ABCC8: variants seen among roughly 807,000 people sequenced by gnomAD.
The protein encoded by ABCC8 is ATP binding cassette subfamily C member 8.
In ABCC8, 137 loss-of-function variants were observed where a neutral mutation model predicts 188.0. That is an observed-to-expected ratio of 0.73 (90% CI 0.63 to 0.84). The LOEUF (loss-of-function observed/expected upper bound fraction) is 0.84, where lower values mean the gene tolerates loss of function less well. Among genes scored for constraint, ABCC8 ranks in the 40% least tolerant of loss-of-function variants. The pLI is 0.00. For synonymous variants in ABCC8, 797 were observed against 846.5 expected (o/e 0.94, Z 1.01); for missense variants, 1,750 against 2,072.7 (o/e 0.84, Z 3.02).
intron 8 of ABCC8, among the ~76,000 whole-genome samples, chr11:17,447,083 T>C (rs1956564009): frequency 6.6e-6 from 1 of 152,190 alleles, no homozygotes; most frequent in Admixed American, 6.5e-5. Context: ...ATTTCATAGA[T>C]AAAGAAACCA....
chr11:17,397,016 T>C lies in ABCC8; in HGVS notation c.4019A>G (p.Asp1340Gly). Residue 1340 changes from aspartate to glycine, a missense_variant, in exon 33 of 39, where the codon GAC becomes GGC. Transcript: ENST00000389817. ...APSLIPKNWP[D>G]QGKIQIQNLS... The stretch of plus-strand genomic sequence containing the variant: ...GTTCTGGATCTGGATCTTCCCTTGG[T>C]CTGGCCAGTTCTTTGGGATCAGCGA... 1 of 1,614,160 alleles carries C rather than the reference T, an allele frequency of 6.2e-7. No individual in the cohort carries two copies. The highest frequency in any genetic ancestry group is 8.5e-7 in the Non-Finnish European group (1 of 1,180,018).
chr11:17,393,173 C>T (rs772277047), intron 38 of ABCC8, 45 bp from the exon 39 acceptor site: 2 of 1,609,526 alleles, frequency 1.2e-6, no homozygotes, highest in East Asian at 2.2e-5. Context: ...GGGAATACCA[C>T]CCGCGGTGGG....
intron 2 of ABCC8, among the ~76,000 whole-genome samples, chr11:17,472,134 T>A (rs1311141148): frequency 6.6e-6 from 1 of 152,220 alleles, no homozygotes; most frequent in Non-Finnish European, 1.5e-5. Flanking sequence ...GGTAGAAATG[T>A]TAAAATTTTA....
In ABCC8 at chr11:17,476,797, G is replaced by C; in HGVS notation, c.-21C>G. 6.5e-7 allele frequency: 1 copy of C among 1,531,252 alleles called. No homozygotes were observed. Among genetic ancestry groups the C allele is most frequent in the Non-Finnish European group, 8.8e-7 (1 of 1,139,188 alleles). 94.9% of individuals were successfully genotyped at this position (1,531,252 alleles called of 1,614,324 possible). A position where few individuals can be genotyped will look rare whatever the true frequency, so the allele number is the denominator to read the frequency against. On this transcript the variant is annotated 5_prime_UTR_variant, in exon 1 of 39. Transcript: ENST00000389817. ...GGCATGGCGGCGCGGGCGCGGGCTG[G>C]GCTCGGGCTCAGCTGGCTCCGCTGG...
chr11:17,433,238 T>C (rs1370902928), intron 10 of ABCC8, among the ~76,000 whole-genome samples: 1 of 152,162 alleles, frequency 6.6e-6, no homozygotes, highest in Non-Finnish European at 1.5e-5. Context: ...CACCTTCCCA[T>C]CTATCCTCTT....
intron 2 of ABCC8, among the ~76,000 whole-genome samples, chr11:17,474,482 A>C (rs2133726730): frequency 6.6e-6 from 1 of 151,846 alleles, no homozygotes; most frequent in South Asian, 2.1e-4. Flanking sequence ...ATCTGAGACC[A>C]CATCTTCAAA....
At chr11:17,394,018 CTGTG>C (rs1342588759) in intron 37 of ABCC8, among the ~76,000 whole-genome samples, 2 of 152,166 alleles carry the variant, frequency 1.3e-5, no homozygotes, top group African/African-American at 4.8e-5. Context: ...AGTGTGAAGT[CTGTG>C]TGGGTCTGTG....
chr11:17,397,040 G>T lies in ABCC8; in HGVS notation c.3995C>A (p.Ser1332Ter), dbSNP rs552324811. Residue 1332 changes from serine to a stop codon, truncating the protein, a stop_gained, in exon 33 of 39, where the codon TCG becomes TAG. Coordinates refer to ENST00000389817, the MANE Select transcript of ABCC8 (RefSeq NM_000352.6). LOFTEE classifies it high-confidence loss of function. Reference protein sequence around the residue: ...AESYEGLLAPSLIPKNWPDQG... With the variant: ...AESYEGLLAP Reference sequence around the variant, plus strand: ...GTCTGGCCAGTTCTTTGGGATCAGCGATGGTGCTGGGGGCCGGGCTGGGCT... The same window carrying T: ...GTCTGGCCAGTTCTTTGGGATCAGCTATGGTGCTGGGGGCCGGGCTGGGCT... 1 of 1,614,168 alleles carries T rather than the reference G, an allele frequency of 6.2e-7. No homozygotes were observed. Among genetic ancestry groups the T allele is most frequent in the South Asian group, 1.1e-5 (1 of 91,084 alleles).
intron 8 of ABCC8, among the ~76,000 whole-genome samples, chr11:17,447,981 C>T (rs1471560186): frequency 2.0e-5 from 3 of 152,114 alleles, no homozygotes; most frequent in Non-Finnish European, 2.9e-5. Flanking sequence ...AGTAAGCATA[C>T]AACATATACT....
rs544133684 is a variant in ABCC8 at position 17,395,223 on chromosome 11, G to A, written c.4360C>T (p.Leu1454=). ...KCSDSTLWEA[L]EIAQLKLVVK... ...ACCAGCTTCAGCTGGGCGATTTCCA[G>A]GGCCTCCCACAGTGTGCTATCTGAG... The change falls in exon 36 of 39, where the codon CTG becomes TTG. Residue 1454 remains leucine, a synonymous_variant. Transcript: ENST00000389817. 3.5e-5 allele frequency: 56 copies of A among 1,598,808 alleles called. 1 individual carries two copies. In the South Asian group the frequency reaches 6.1e-4, roughly 17 times the overall value.
chr11:17,467,147 G>T (rs373551756), intron 3 of ABCC8, among the ~76,000 whole-genome samples: 1 of 151,460 alleles, frequency 6.6e-6, no homozygotes, highest in African/African-American at 2.4e-5. Context: ...AGGTGGGTGC[G>T]GTGGCTCACG....
chr11:17,404,574 C>A lies in ABCC8; in HGVS notation c.3495G>T (p.Val1165=), dbSNP rs1431596946. 9 of 1,614,038 alleles carry A rather than the reference C, an allele frequency of 5.6e-6. No homozygotes were observed. The highest frequency in any genetic ancestry group is 7.6e-6 in the Non-Finnish European group (9 of 1,180,006). Residue 1165 remains valine (V), a synonymous_variant, in exon 28 of 39, where the codon GTG becomes GTT. Coordinates refer to ENST00000389817, the MANE Select transcript of ABCC8 (RefSeq NM_000352.6). This position sits in a 1 kb window ranked among gnomAD's most constrained non-coding sequence, Gnocchi z 4.7. ...VISYVTPVFL[V]ALLPLAIVCY... is the part of the protein sequence containing the mutation. The stretch of plus-strand genomic sequence containing the variant: ...ACACGATGGCCAGGGGCAAGAGGGC[C>A]ACGAGGAACACAGGTGTGACATAGG...
At chr11:17,455,956 A>AG (rs1375597481) in intron 6 of ABCC8, among the ~76,000 whole-genome samples, 1 of 149,900 alleles carries the variant, frequency 6.7e-6, no homozygotes, top group Non-Finnish European at 1.5e-5. Context: ...AAAAAAAAAA[A>AG]AAAGAAGTGG....
chr11:17,463,706 G>A (rs759331200), intron 3 of ABCC8, 102 bp from the exon 4 acceptor site: 362 of 1,452,090 alleles, frequency 2.5e-4, no homozygotes, highest in Non-Finnish European at 3.2e-4. Context: ...CAGAATAAGC[G>A]TGCCTGGGTG....
intron 16 of ABCC8, among the ~76,000 whole-genome samples, chr11:17,426,392 A>G (rs1955584470): frequency 6.6e-6 from 1 of 152,190 alleles, no homozygotes; most frequent in Non-Finnish European, 1.5e-5. Context: ...CGGGTGTGAG[A>G]TGGTATCTCA....
At chr11:17,397,335 C>T (rs757079818) in intron 31 of ABCC8, 22 bp from the exon 32 acceptor site, 18 of 1,607,564 alleles carry the variant, frequency 1.1e-5, no homozygotes, top group Admixed American at 1.7e-5. Context: ...AAGCCAGTGG[C>T]GCACACTCCA....
intron 10 of ABCC8, among the ~76,000 whole-genome samples, chr11:17,441,623 C>T (rs1365977740): frequency 6.6e-6 from 1 of 152,068 alleles, no homozygotes; most frequent in Non-Finnish European, 1.5e-5. Flanking sequence ...CAATTATGCA[C>T]TTGGGAAGTA....
At position 17,436,182 on chromosome 11, in the gene ABCC8, CT is replaced by C. The variant is rs550650756; in HGVS notation, c.1631-3939del. On this transcript the variant is annotated intron_variant, in intron 10 of 38. Transcript: ENST00000389817. ...CATGTCTCAGCAAGAGCACAGCCAT[CT>C]TGGGTTCTGGTCTGGATGGAAGTGA... 1.2e-4 allele frequency: 86 copies of C among 728,304 alleles called. No individual in the cohort carries two copies. In the African/African-American group the frequency reaches 1.4e-3, roughly 12 times the overall value. The allele number at this position is 728,304 out of a possible 1,614,324, so 45.1% of individuals were successfully genotyped here. A position where few individuals can be genotyped will look rare whatever the true frequency, so the allele number is the denominator to read the frequency against.
At chr11:17,467,134 T>G in intron 3 of ABCC8, among the ~76,000 whole-genome samples, 1 of 148,992 alleles carries the variant, frequency 6.7e-6, no homozygotes, top group Non-Finnish European at 1.5e-5. Flanking sequence ...GGTATGACCT[T>G]CCAGGTGGGT....
Sources: allele counts gnomAD v4.1 joint callset (sites outside exome capture counted in the v4.1 genomes callset), GRCh38; gene constraint gnomAD v4.1.1; non-coding constraint Gnocchi (gnomAD v3.1); transcripts MANE v1.5; gene names NCBI Gene and HGNC (gene_info 2026-07-23, HGNC 2026-07-21).